The following TMEM65 variants were observed in gnomAD, a reference collection of about 807,000 sequenced individuals.
TMEM65 encodes transmembrane protein 65.
A neutral mutation model predicts 25.4 loss-of-function variants in TMEM65; 22 were observed. The ratio of observed to expected loss-of-function variants is 0.86; its 90% CI spans 0.62 to 1.23. TMEM65 has a LOEUF of 1.23. Ranked by LOEUF, TMEM65 falls within the 50% of genes most tolerant of loss-of-function variation. The pLI is 0.00. For missense variants in TMEM65, 262 were observed against 308.2 expected, an observed-to-expected ratio of 0.85 and a Z score of 1.12; for synonymous variants, 132 against 126.2, an observed-to-expected ratio of 1.05 and a Z score of -0.31.
chr8:124,318,022 C>A (rs900354428), intron 6 of TMEM65, among the ~76,000 whole-genome samples: 1 of 152,074 alleles, frequency 6.6e-6, no homozygotes, highest in Admixed American at 6.6e-5. Context: ...CAGAAAAAAT[C>A]TCATAATGTT....
chr8:124,334,213 C>A (rs956268392), intron 1 of TMEM65, among the ~76,000 whole-genome samples: 1 of 152,080 alleles, frequency 6.6e-6, no homozygotes. Flanking sequence ...AGGATACATA[C>A]AAAATTACTT....
intron 1 of TMEM65, among the ~76,000 whole-genome samples, chr8:124,369,644 T>C (rs1814986363): frequency 6.6e-6 from 1 of 152,186 alleles, no homozygotes; most frequent in Admixed American, 6.5e-5. Context: ...TTTTCATTTA[T>C]CTGGCTGGAA....
chr8:124,372,235 G>A lies in TMEM65; in HGVS notation c.-78C>T. The A allele has an allele frequency of 1.7e-6, 2 of 1,195,858 alleles. No homozygotes were observed. The highest frequency in any genetic ancestry group is 2.1e-6 in the Non-Finnish European group (2 of 956,764). The allele number at this position is 1,195,858 out of a possible 1,614,324, so 74.1% of individuals were successfully genotyped here. On this transcript the variant is annotated 5_prime_UTR_variant, in exon 1 of 7. Coordinates refer to ENST00000297632, the MANE Select transcript of TMEM65 (RefSeq NM_194291.3). The stretch of plus-strand genomic sequence containing the variant: ...CGCGGCTGAGGCGAGAAGGAGCTGG[G>A]CTCAGCTCGACCCCGCCCCGAGGTC...
At chr8:124,329,083 T>A (rs1470844942) in intron 2 of TMEM65, among the ~76,000 whole-genome samples, 2 of 150,182 alleles carry the variant, frequency 1.3e-5, no homozygotes, top group African/African-American at 4.9e-5. Context: ...TTTCGTCTTG[T>A]TTTAAGTAAA....
chr8:124,335,153 G>GA (rs993973137), intron 1 of TMEM65, among the ~76,000 whole-genome samples: 4 of 151,920 alleles, frequency 2.6e-5, no homozygotes, highest in African/African-American at 9.7e-5. Flanking sequence ...TATCATAAAG[G>GA]AAAAAATCTT....
chr8:124,362,748 TGTAGTTTTAGTATTG>T (rs1484117914), intron 1 of TMEM65, among the ~76,000 whole-genome samples: 2 of 152,084 alleles, frequency 1.3e-5, no homozygotes, highest in African/African-American at 4.8e-5. Flanking sequence ...TAAAATTAGC[TGTAGTTTTAGTATTG>T]GTAATATACT....
intron 1 of TMEM65, among the ~76,000 whole-genome samples, chr8:124,364,698 A>G (rs1814915986): frequency 6.6e-6 from 1 of 152,214 alleles, no homozygotes; most frequent in Admixed American, 6.5e-5. Context: ...TTTATCTACA[A>G]GAACCTCTTA....
rs559761158 is a variant in TMEM65, at chr8:124,315,033, G to A, written c.622-972C>T. Among the ~76,000 whole-genome samples the A allele has an allele frequency of 3.9e-5, 6 of 152,140 alleles. No homozygotes were observed. In the South Asian group the frequency reaches 1.2e-3, roughly 32 times the overall value. Reference sequence around the variant, plus strand: ...TGGTTTTCAAAATTTGCATTCCTATGATGACTATCAAGTTTATATACTTTT... The same window carrying A: ...TGGTTTTCAAAATTTGCATTCCTATAATGACTATCAAGTTTATATACTTTT... On this transcript the variant is annotated intron_variant, in intron 6 of 6. Coordinates refer to ENST00000297632, the MANE Select transcript of TMEM65 (RefSeq NM_194291.3).
At chr8:124,366,492 A>G (rs1343953068) in intron 1 of TMEM65, among the ~76,000 whole-genome samples, 2 of 152,112 alleles carry the variant, frequency 1.3e-5, no homozygotes, top group Admixed American at 6.5e-5. Context: ...CATAGATACC[A>G]TAAGAAACAG....
intron 1 of TMEM65, among the ~76,000 whole-genome samples, chr8:124,367,271 C>T (rs879511687): frequency 1.2e-4 from 19 of 152,028 alleles, no homozygotes; most frequent in Non-Finnish European, 1.0e-4. Flanking sequence ...GTCAGGAGTT[C>T]GAGATGAACC....
intron 1 of TMEM65, among the ~76,000 whole-genome samples, chr8:124,357,255 C>G (rs1814795137): frequency 6.6e-6 from 1 of 152,114 alleles, no homozygotes; most frequent in Non-Finnish European, 1.5e-5. Context: ...GACTCTTACT[C>G]TGGAGCTCCA....
rs780745871 is a variant in TMEM65, at chr8:124,359,947, C to A, written c.304+11907G>T. On this transcript the variant is annotated intron_variant, in intron 1 of 6. Coordinates refer to ENST00000297632, the MANE Select transcript of TMEM65 (RefSeq NM_194291.3). ...CTTTTTCAGAGCTATCATATTGAGT[C>A]TAGGCGCAGAGAACGCTTTCTTTGC... Among the ~76,000 whole-genome samples, 13 of 152,222 alleles carry A rather than the reference C, an allele frequency of 8.5e-5. No individual in the cohort carries two copies. In the East Asian group the frequency reaches 2.3e-3, roughly 27 times the overall value.
chr8:124,366,273 C>G (rs1469789306), intron 1 of TMEM65, among the ~76,000 whole-genome samples: 2 of 152,204 alleles, frequency 1.3e-5, no homozygotes, highest in African/African-American at 4.8e-5. Context: ...ACCCAGCCCC[C>G]TTGGAACATT....
intron 1 of TMEM65, among the ~76,000 whole-genome samples, chr8:124,352,773 T>G (rs564218050): frequency 6.6e-6 from 1 of 151,964 alleles, no homozygotes; most frequent in Non-Finnish European, 1.5e-5. Flanking sequence ...GAACAGCGTT[T>G]TAGAGCTCAA....
At chr8:124,343,554 C>T (rs1246008918) in intron 1 of TMEM65, among the ~76,000 whole-genome samples, 1 of 152,082 alleles carries the variant, frequency 6.6e-6, no homozygotes, top group Non-Finnish European at 1.5e-5. Flanking sequence ...AATTTCAGGA[C>T]CTCGAGTCTT....
chr8:124,311,885 A>G lies in TMEM65; in HGVS notation c.*2075T>C, dbSNP rs1377740911. The G allele has an allele frequency of 6.6e-6, 1 of 152,522 alleles. No individual in the cohort carries two copies. Among genetic ancestry groups the G allele is most frequent in the East Asian group, 1.9e-4 (1 of 5,208 alleles). 9.4% of individuals were successfully genotyped at this position (152,522 alleles called of 1,614,324 possible). A position where few individuals can be genotyped will look rare whatever the true frequency, so the allele number is the denominator to read the frequency against. On this transcript the variant is annotated 3_prime_UTR_variant, in exon 7 of 7. Transcript: ENST00000297632. ...AAGGTTATATATTTTGACACCTTAA[A>G]TAATTCTGGAGATGTTCAGTTAAAC... is the stretch of plus-strand genomic sequence containing the variant.
At chr8:124,367,934 A>G (rs908957493) in intron 1 of TMEM65, among the ~76,000 whole-genome samples, 1 of 152,274 alleles carries the variant, frequency 6.6e-6, no homozygotes, top group Admixed American at 6.5e-5. Flanking sequence ...TATTTGCTAT[A>G]TGTAAAAACA....
At position 124,329,409 on chromosome 8, in the gene TMEM65, G is replaced by A. The variant is rs138255944; in HGVS notation, c.349+1339C>T. 9.4e-3 allele frequency among the ~76,000 whole-genome samples: 1,413 copies of A among 151,030 alleles called. 31 individuals are homozygous for A. Among genetic ancestry groups the A allele is most frequent in the Middle Eastern group, 0.017 (5 of 292 alleles). On this transcript the variant is annotated intron_variant, in intron 2 of 6. Transcript: ENST00000297632. Reference sequence around the variant, plus strand: ...AGTACTGAAAAATAATGATGAAACTGGTTAGGATTAATTAGCATTTTGGGA... The same window carrying A: ...AGTACTGAAAAATAATGATGAAACTAGTTAGGATTAATTAGCATTTTGGGA...
chr8:124,320,933 A>C (rs1814296723), intron 5 of TMEM65, among the ~76,000 whole-genome samples: 7 of 152,158 alleles, frequency 4.6e-5, no homozygotes. Flanking sequence ...AAAAATCTTC[A>C]TCTCTAAACA....
Sources: gnomAD v4.1 joint callset for allele counts (sites outside exome capture counted in the v4.1 genomes callset) on GRCh38, gnomAD v4.1.1 for gene constraint, MANE v1.5 for transcripts, NCBI Gene and HGNC (gene_info 2026-07-23, HGNC 2026-07-21) for gene names.